MACROD2: variants seen among roughly 807,000 people sequenced by gnomAD.
MACROD2 encodes ADP-ribose glycohydrolase MACROD2.
MACROD2 carries 36 observed loss-of-function variants against 70.4 expected under a neutral mutation model. That is an observed-to-expected ratio of 0.51 (90% CI 0.39 to 0.68). The LOEUF (loss-of-function observed/expected upper bound fraction) is 0.68, where lower values mean the gene tolerates loss of function less well. Ranked by LOEUF, MACROD2 falls within the 30% of genes least tolerant of loss-of-function variation. The pLI is 0.00. For missense variants in MACROD2, 496 were observed against 538.4 expected, an observed-to-expected ratio of 0.92 and a Z score of 0.78; for synonymous variants, 172 against 178.8, an observed-to-expected ratio of 0.96 and a Z score of 0.30.
intron 6 of MACROD2, among the ~76,000 whole-genome samples, chr20:15,417,043 G>T (rs892107721): frequency 6.6e-6 from 1 of 152,142 alleles, no homozygotes; most frequent in African/African-American, 2.4e-5. Flanking sequence ...ACACTTCAAG[G>T]GATAAAACAG....
At chr20:16,001,418 G>T (rs552884472) in intron 15 of MACROD2, among the ~76,000 whole-genome samples, 2 of 152,278 alleles carry the variant, frequency 1.3e-5, no homozygotes, top group East Asian at 3.9e-4. Flanking sequence ...CAAGGGGTTT[G>T]GATTGATTGT....
intron 8 of MACROD2, among the ~76,000 whole-genome samples, chr20:15,823,332 C>G (rs149895825): frequency 3.1e-4 from 45 of 144,170 alleles, no homozygotes; most frequent in African/African-American, 1.1e-3. Context: ...CTATAGCTGT[C>G]TATGCGAAGC....
At chr20:14,359,211 A>G (rs2083200034) in intron 3 of MACROD2, among the ~76,000 whole-genome samples, 1 of 151,468 alleles carries the variant, frequency 6.6e-6, no homozygotes, top group Non-Finnish European at 1.5e-5. Context: ...CAAACAAACA[A>G]AAAACACCTA....
intron 4 of MACROD2, among the ~76,000 whole-genome samples, chr20:14,532,367 G>A (rs1294700820): frequency 1.3e-5 from 2 of 150,500 alleles, no homozygotes; most frequent in African/African-American, 2.4e-5. Context: ...ACAGGCGCCC[G>A]CCACCATGCC....
intron 12 of MACROD2, among the ~76,000 whole-genome samples, chr20:15,954,385 A>G (rs1305239647): frequency 6.6e-6 from 1 of 152,120 alleles, no homozygotes; most frequent in African/African-American, 2.4e-5. Flanking sequence ...TCTTTTTGGT[A>G]AAGCCACCTC....
intron 6 of MACROD2, among the ~76,000 whole-genome samples, chr20:15,412,776 G>A (rs1279799648): frequency 6.6e-6 from 1 of 152,028 alleles, no homozygotes; most frequent in Non-Finnish European, 1.5e-5. Context: ...TTTGCCAGTG[G>A]GTCTGGCCTG....
At chr20:15,353,234 C>G (rs1002473305) in intron 6 of MACROD2, among the ~76,000 whole-genome samples, 3 of 152,054 alleles carry the variant, frequency 2.0e-5, no homozygotes, top group Non-Finnish European at 2.9e-5. Context: ...ACAAACCTGA[C>G]AAAAACAAGA....
chr20:15,162,635 G>A (rs1034726423), intron 5 of MACROD2, among the ~76,000 whole-genome samples: 1 of 152,202 alleles, frequency 6.6e-6, no homozygotes, highest in South Asian at 2.1e-4. Flanking sequence ...ACTACCCTCT[G>A]GCAACTGACA....
intron 4 of MACROD2, chr20:14,622,944 T>C (rs536476896): frequency 1.3e-5 from 2 of 152,344 alleles, no homozygotes; most frequent in African/African-American, 4.8e-5. Context: ...GGAAGTGTTG[T>C]CTGCTGATGA....
At chr20:15,160,835 T>C (rs2076343360) in intron 5 of MACROD2, among the ~76,000 whole-genome samples, 1 of 152,166 alleles carries the variant, frequency 6.6e-6, no homozygotes, top group African/African-American at 2.4e-5. Context: ...AAACAATTAC[T>C]GAATTATCTG....
intron 3 of MACROD2, among the ~76,000 whole-genome samples, chr20:14,423,338 G>A (rs2083895874): frequency 6.6e-6 from 1 of 151,572 alleles, no homozygotes; most frequent in African/African-American, 2.4e-5. Context: ...ATAAAAGTAG[G>A]TTTAGACACT....
intron 8 of MACROD2, among the ~76,000 whole-genome samples, chr20:15,837,596 C>T (rs932454356): frequency 1.2e-4 from 19 of 152,132 alleles, no homozygotes; most frequent in African/African-American, 4.1e-4. Flanking sequence ...ACACATTTTC[C>T]TCCTCAGGTC....
At chr20:16,030,049 G>T (rs67294218) in intron 15 of MACROD2, among the ~76,000 whole-genome samples, 29,516 of 152,082 alleles carry the variant, frequency 0.19, 3,295 homozygotes, top group African/African-American at 0.3. Flanking sequence ...AGGGTGGAAG[G>T]CTAAGAAAGA....
At chr20:14,915,271 A>G (rs907608993) in intron 5 of MACROD2, among the ~76,000 whole-genome samples, 7 of 152,224 alleles carry the variant, frequency 4.6e-5, no homozygotes, top group African/African-American at 2.4e-5. Context: ...TAAGATGTTA[A>G]TGAAATCAGC....
chr20:15,830,019 G>A (rs1478349848), intron 8 of MACROD2, among the ~76,000 whole-genome samples: 1 of 152,172 alleles, frequency 6.6e-6, no homozygotes, highest in Non-Finnish European at 1.5e-5. Flanking sequence ...AGGCAGGTGT[G>A]TATGAACAGA....
chr20:14,405,866 G>A (rs1231956314), intron 3 of MACROD2, among the ~76,000 whole-genome samples: 2 of 152,062 alleles, frequency 1.3e-5, no homozygotes, highest in Non-Finnish European at 2.9e-5. Flanking sequence ...TTACATATAG[G>A]TAGTTTACAG....
chr20:14,505,071 TTACTC>T (rs1250652484), intron 4 of MACROD2, among the ~76,000 whole-genome samples: 1 of 152,242 alleles, frequency 6.6e-6, no homozygotes, highest in Non-Finnish European at 1.5e-5. Flanking sequence ...TACAAAATGA[TTACTC>T]TAAGGATACT....
chr20:15,639,531 G>T lies in MACROD2; in HGVS notation c.645+139684G>T, dbSNP rs186295709. Among the ~76,000 whole-genome samples, 424 of 152,314 alleles carry T rather than the reference G, an allele frequency of 2.8e-3. 2 individuals carry two copies. Among genetic ancestry groups the T allele is most frequent in the African/African-American group, 9.5e-3 (393 of 41,566 alleles). On this transcript the variant is annotated intron_variant, in intron 8 of 17. Transcript: ENST00000684519. Reference sequence around the variant, plus strand: ...AGCCATTTGCAAAGATGTTACGGAAGAAGCTGCTGTGGCCACCCCTGCAGA... The same window carrying T: ...AGCCATTTGCAAAGATGTTACGGAATAAGCTGCTGTGGCCACCCCTGCAGA...
At chr20:15,103,863 A>C (rs2075891243) in intron 5 of MACROD2, among the ~76,000 whole-genome samples, 1 of 152,106 alleles carries the variant, frequency 6.6e-6, no homozygotes, top group South Asian at 2.1e-4. Context: ...AGGAAGAGCA[A>C]ATGTGCTAGT....
Sources: gnomAD v4.1 joint callset for allele counts (sites outside exome capture counted in the v4.1 genomes callset) on GRCh38, gnomAD v4.1.1 for gene constraint, MANE v1.5 for transcripts, NCBI Gene and HGNC (gene_info 2026-07-23, HGNC 2026-07-21) for gene names.